CDK5RAP1: variants seen among roughly 807,000 people sequenced by gnomAD.
CDK5RAP1 encodes CDK5RAP1 mitochondrial tRNA methylthiotransferase.
CDK5RAP1 carries 62 observed loss-of-function variants against 64.5 expected under a neutral mutation model. The ratio of observed to expected loss-of-function variants is 0.96; its 90% CI spans 0.78 to 1.19. CDK5RAP1 has a LOEUF of 1.19. Ranked by LOEUF, CDK5RAP1 falls within the 50% of genes most tolerant of loss-of-function variation. CDK5RAP1 has a pLI of 0.00. For synonymous variants in CDK5RAP1, 250 were observed against 261.9 expected (o/e 0.95, Z 0.44); for missense variants, 657 against 735.0 (o/e 0.89, Z 1.23).
rs1355238818 is a variant in CDK5RAP1 at position 33,387,310 on chromosome 20, G to A, written c.755+13C>T. ...GAAGAGGCTTATTCCCTATCTCTTA[G>A]GCAGTGACTCACACAAAGGCAGACG... On this transcript the variant is annotated intron_variant, in intron 6 of 13. Transcript: ENST00000346416. 13 of 1,598,304 alleles carry A rather than the reference G, an allele frequency of 8.1e-6. No individual in the cohort carries two copies. In the Admixed American group the frequency reaches 1.5e-4, roughly 18 times the overall value.
intron 7 of CDK5RAP1, among the ~76,000 whole-genome samples, chr20:33,384,777 C>T (rs773211054): frequency 2.0e-4 from 30 of 152,172 alleles, no homozygotes; most frequent in Non-Finnish European, 3.2e-4. Flanking sequence ...TGGCACCTAC[C>T]TGTAGTCCCA....
At position 33,367,015 on chromosome 20, in the gene CDK5RAP1, A is replaced by T; in HGVS notation, c.1393-7T>A. 1 of 924,578 alleles carries T rather than the reference A, an allele frequency of 1.1e-6. No individual in the cohort carries two copies. The highest frequency in any genetic ancestry group is 2.2e-5 in the South Asian group (1 of 46,374). 57.3% of individuals were successfully genotyped at this position (924,578 alleles called of 1,614,324 possible). A position where few individuals can be genotyped will look rare whatever the true frequency, so the allele number is the denominator to read the frequency against. On this transcript the variant is annotated splice_polypyrimidine_tract_variant and splice_region_variant and intron_variant, in intron 11 of 13. Coordinates refer to ENST00000346416, the MANE Select transcript of CDK5RAP1 (RefSeq NM_016408.4). ...TATGATATGCCCGTGTCTTCTATTA[A>T]AAAAAAAAAAAAGAGAGAAGATGGA...
At chr20:33,381,513 G>A (rs541449254) in intron 7 of CDK5RAP1, among the ~76,000 whole-genome samples, 72 of 152,100 alleles carry the variant, frequency 4.7e-4, no homozygotes, top group Admixed American at 2.4e-3. Context: ...TGCAATCTCC[G>A]CCTCCCAGGT....
intron 3 of CDK5RAP1, 70 bp downstream of exon 3, chr20:33,394,943 C>T (rs758584100): frequency 3.7e-5 from 35 of 951,462 alleles, no homozygotes; most frequent in Non-Finnish European, 4.7e-5. Context: ...TGAAACTACA[C>T]CTAAGAACTG....
intron 12 of CDK5RAP1, among the ~76,000 whole-genome samples, chr20:33,365,931 C>T (rs568862055): frequency 1.1e-4 from 17 of 152,216 alleles, no homozygotes; most frequent in Non-Finnish European, 2.4e-4. Context: ...AAGAAAGTCT[C>T]CTCTAAGAGA....
intron 7 of CDK5RAP1, among the ~76,000 whole-genome samples, chr20:33,382,868 A>T (rs1986943239): frequency 6.7e-6 from 1 of 149,310 alleles, no homozygotes; most frequent in Non-Finnish European, 1.5e-5. Flanking sequence ...CTGTCTCAAA[A>T]TAAATAAATA....
chr20:33,385,790 A>C lies in CDK5RAP1; in HGVS notation c.756-20T>G, dbSNP rs765194801. The C allele has an allele frequency of 6.2e-7, 1 of 1,605,824 alleles. No individual in the cohort carries two copies. The highest frequency in any genetic ancestry group is 2.2e-5 in the East Asian group (1 of 44,820). On this transcript the variant is annotated intron_variant, in intron 6 of 13. Transcript: ENST00000346416. ...ATTGACCTGGAGAAGAAAGTACCAG[A>C]ACTTAGTAACAGTAGCAGGGTGTGC...
intron 1 of CDK5RAP1, among the ~76,000 whole-genome samples, chr20:33,400,090 TAC>T (rs775413309): frequency 6.6e-6 from 1 of 152,190 alleles, no homozygotes; most frequent in African/African-American, 2.4e-5. Flanking sequence ...GCCTTGCATA[TAC>T]GCAGTTCACA....
chr20:33,360,866 G>A (rs921911040), intron 12 of CDK5RAP1, among the ~76,000 whole-genome samples: 2 of 152,118 alleles, frequency 1.3e-5, no homozygotes, highest in East Asian at 3.9e-4. Context: ...TGAATGTTCT[G>A]GGATTGTTTG....
At chr20:33,399,609 A>G (rs1013722749) in intron 1 of CDK5RAP1, among the ~76,000 whole-genome samples, 1 of 152,226 alleles carries the variant, frequency 6.6e-6, no homozygotes, top group South Asian at 2.1e-4. Flanking sequence ...GGTGCTAAAC[A>G]TCAGTGGTTC....
At chr20:33,384,082 A>G (rs1032344440) in intron 7 of CDK5RAP1, among the ~76,000 whole-genome samples, 1 of 152,152 alleles carries the variant, frequency 6.6e-6, no homozygotes, top group African/African-American at 2.4e-5. Flanking sequence ...CCAATAGATA[A>G]CCATTGTTTG....
chr20:33,395,580 T>C (rs760082619), intron 2 of CDK5RAP1, among the ~76,000 whole-genome samples: 9 of 151,906 alleles, frequency 5.9e-5, no homozygotes, highest in Non-Finnish European at 1.0e-4. Flanking sequence ...GCCTGGGCAA[T>C]AGAGTGAGAA....
At position 33,397,096 on chromosome 20, in the gene CDK5RAP1, T is replaced by C. The variant is rs773944208; in HGVS notation, c.-20-12A>G. 1 of 1,561,924 alleles carries C rather than the reference T, an allele frequency of 6.4e-7. No homozygotes were observed. The highest frequency in any genetic ancestry group is 8.7e-7 in the Non-Finnish European group (1 of 1,155,446). On this transcript the variant is annotated splice_polypyrimidine_tract_variant and intron_variant, in intron 1 of 13. Coordinates refer to ENST00000346416, the MANE Select transcript of CDK5RAP1 (RefSeq NM_016408.4). ...AAACAGCCCACAGTCTGCAAAAGAATGACAGACATCACCAGCATTTATTGA... is the reference window on the plus strand; with the variant it reads ...AAACAGCCCACAGTCTGCAAAAGAACGACAGACATCACCAGCATTTATTGA...
chr20:33,376,050 C>T (rs554211995), intron 8 of CDK5RAP1, among the ~76,000 whole-genome samples: 94 of 152,144 alleles, frequency 6.2e-4, no homozygotes, highest in Non-Finnish European at 1.0e-3. Context: ...ATTATAGGGC[C>T]GGGCACAGTG....
chr20:33,378,165 G>A (rs751967243), intron 8 of CDK5RAP1, among the ~76,000 whole-genome samples: 1 of 152,164 alleles, frequency 6.6e-6, no homozygotes, highest in Non-Finnish European at 1.5e-5. Context: ...TCAAGTGAGA[G>A]CCCTGCGACC....
At chr20:33,363,857 C>A (rs1983386155) in intron 12 of CDK5RAP1, among the ~76,000 whole-genome samples, 1 of 152,084 alleles carries the variant, frequency 6.6e-6, no homozygotes, top group African/African-American at 2.4e-5. Flanking sequence ...TATCATTACA[C>A]CACCACACTC....
intron 9 of CDK5RAP1, 177 bp downstream of exon 9, chr20:33,373,938 C>T (rs1985529051): frequency 3.2e-6 from 2 of 615,532 alleles, no homozygotes; most frequent in African/African-American, 1.9e-5. Context: ...TTAGCCTTTG[C>T]TTATGAAGTG....
At position 33,359,059 on chromosome 20, in the gene CDK5RAP1, G is replaced by A; in HGVS notation, c.1748C>T (p.Ser583Phe). 6.2e-7 allele frequency: 1 copy of A among 1,613,096 alleles called. No individual in the cohort carries two copies. The highest frequency in any genetic ancestry group is 2.2e-5 in the East Asian group (1 of 44,862). ...HVLCRTTLRD[S>F]SAYC ...CCTCTCAGGTCAGCAATATGCAGAA[G>A]AGTCCCTCAGAGTGGTCCTGCAGAG... The change falls in exon 14 of 14, where the codon TCT (serine) becomes TTT (phenylalanine). Residue 583 changes from serine (S) to phenylalanine (F), a missense_variant. Transcript: ENST00000346416.
At chr20:33,397,215 G>T in intron 1 of CDK5RAP1, 131 bp from the exon 2 acceptor site, 1 of 610,680 alleles carries the variant, frequency 1.6e-6, no homozygotes, top group Non-Finnish European at 2.6e-6. Flanking sequence ...CTAATAATAT[G>T]ACCTCTGTTT....
Sources: gnomAD v4.1 joint callset for allele counts (sites outside exome capture counted in the v4.1 genomes callset) on GRCh38, gnomAD v4.1.1 for gene constraint, MANE v1.5 for transcripts, NCBI Gene and HGNC (gene_info 2026-07-23, HGNC 2026-07-21) for gene names.